KHDRBS3: variants seen among roughly 807,000 people sequenced by gnomAD.
KHDRBS3 encodes KH domain-containing, RNA-binding, signal transduction-associated protein 3.
In KHDRBS3, 23 loss-of-function variants were observed where a neutral mutation model predicts 45.6. The ratio of observed to expected loss-of-function variants is 0.50; its 90% CI spans 0.36 to 0.72. KHDRBS3 has a LOEUF of 0.72. Ranked by LOEUF, KHDRBS3 falls within the 30% of genes least tolerant of loss-of-function variation. KHDRBS3 has a pLI of 0.00. For missense variants in KHDRBS3, 352 were observed against 424.8 expected (o/e 0.83, Z 1.51); for synonymous variants, 162 against 156.5 (o/e 1.04, Z -0.26).
At chr8:135,565,835 A>G (rs1438527708) in intron 5 of KHDRBS3, among the ~76,000 whole-genome samples, 2 of 152,208 alleles carry the variant, frequency 1.3e-5, no homozygotes, top group Admixed American at 6.5e-5. Flanking sequence ...TGGAAACACC[A>G]TAAGAAGTCA....
chr8:135,465,052 G>A (rs771176590), intron 1 of KHDRBS3, among the ~76,000 whole-genome samples: 2 of 152,236 alleles, frequency 1.3e-5, no homozygotes, highest in Non-Finnish European at 2.9e-5. Context: ...CAGGGGCATG[G>A]CAAAACGGCA....
At chr8:135,577,669 A>T (rs1828008979) in intron 5 of KHDRBS3, among the ~76,000 whole-genome samples, 2 of 152,200 alleles carry the variant, frequency 1.3e-5, no homozygotes, top group South Asian at 4.1e-4. Context: ...ATCGAAGGGC[A>T]TCTTGGTTGC....
intron 1 of KHDRBS3, chr8:135,458,289 T>G: frequency 1.3e-6 from 1 of 782,424 alleles, no homozygotes; most frequent in Non-Finnish European, 1.6e-6. Flanking sequence ...GGTTGAATTA[T>G]GTCATGGAAG....
intron 1 of KHDRBS3, among the ~76,000 whole-genome samples, chr8:135,520,961 T>C (rs183099663): frequency 4.6e-5 from 7 of 152,350 alleles, no homozygotes; most frequent in African/African-American, 1.7e-4. Context: ...CCAGAAGACC[T>C]GAAGTAACTT....
At chr8:135,583,720 T>A (rs1032890616) in intron 6 of KHDRBS3, among the ~76,000 whole-genome samples, 2 of 152,196 alleles carry the variant, frequency 1.3e-5, no homozygotes, top group Non-Finnish European at 1.5e-5. Context: ...GTATTCATCT[T>A]TCCATTCAAT....
At chr8:135,462,779 C>T (rs1821495289) in intron 1 of KHDRBS3, among the ~76,000 whole-genome samples, 1 of 152,068 alleles carries the variant, frequency 6.6e-6, no homozygotes, top group Non-Finnish European at 1.5e-5. Context: ...AAGGGTCAAG[C>T]TTTGTTCTTT....
intron 5 of KHDRBS3, among the ~76,000 whole-genome samples, chr8:135,573,973 C>A (rs1009616624): frequency 6.6e-6 from 1 of 152,182 alleles, no homozygotes; most frequent in African/African-American, 2.4e-5. Context: ...CTATTCCTAT[C>A]AATTTGGATC....
At chr8:135,564,708 T>C (rs2130861405) in intron 5 of KHDRBS3, among the ~76,000 whole-genome samples, 2 of 152,378 alleles carry the variant, frequency 1.3e-5, no homozygotes, top group South Asian at 4.1e-4. Flanking sequence ...CTCCTTCGTT[T>C]GTATTTTGAA....
At chr8:135,639,616 C>G (rs117491460) in intron 7 of KHDRBS3, among the ~76,000 whole-genome samples, 1 of 152,124 alleles carries the variant, frequency 6.6e-6, no homozygotes, top group Non-Finnish European at 1.5e-5. Flanking sequence ...TTTGCATTGC[C>G]GTAAAGAAGT....
At chr8:135,650,211 A>G (rs1831401118), downstream of KHDRBS3, among the ~76,000 whole-genome samples, 1 of 152,152 alleles carries the variant, frequency 6.6e-6, no homozygotes, top group Admixed American at 6.5e-5. Context: ...AAATACCGCA[A>G]AACCGAATGG....
intron 1 of KHDRBS3, among the ~76,000 whole-genome samples, chr8:135,514,753 G>C (rs958254158): frequency 6.6e-6 from 1 of 152,104 alleles, no homozygotes; most frequent in Non-Finnish European, 1.5e-5. Flanking sequence ...GATATATCTA[G>C]ATTTGAATTC....
At chr8:135,584,453 G>C (rs1240690495) in intron 6 of KHDRBS3, among the ~76,000 whole-genome samples, 1 of 152,172 alleles carries the variant, frequency 6.6e-6, no homozygotes, top group Non-Finnish European at 1.5e-5. Flanking sequence ...CATCATGAAG[G>C]GTTCAGATTA....
At chr8:135,613,382 T>C (rs1288427153) in intron 7 of KHDRBS3, among the ~76,000 whole-genome samples, 1 of 151,846 alleles carries the variant, frequency 6.6e-6, no homozygotes, top group African/African-American at 2.4e-5. Flanking sequence ...TAACTGTTTC[T>C]ACTTGTGAGA....
intron 5 of KHDRBS3, among the ~76,000 whole-genome samples, chr8:135,572,840 G>T (rs1411467360): frequency 6.6e-6 from 1 of 152,226 alleles, no homozygotes; most frequent in African/African-American, 2.4e-5. Context: ...ATAACTGTAG[G>T]CTGTTTCGCC....
intron 1 of KHDRBS3, among the ~76,000 whole-genome samples, chr8:135,460,837 A>G (rs74848680): frequency 0.051 from 7,728 of 152,308 alleles, 306 homozygotes; most frequent in African/African-American, 0.11. Context: ...CATTATGATA[A>G]TGAAGCAGTT....
chr8:135,478,861 G>A (rs1226632452), intron 1 of KHDRBS3, among the ~76,000 whole-genome samples: 4 of 152,110 alleles, frequency 2.6e-5, no homozygotes, highest in Non-Finnish European at 4.4e-5. Context: ...AAAAATAAAG[G>A]TAAATCTCAA....
At chr8:135,512,731 C>T (rs1321109996) in intron 1 of KHDRBS3, among the ~76,000 whole-genome samples, 1 of 152,136 alleles carries the variant, frequency 6.6e-6, no homozygotes, top group East Asian at 1.9e-4. Flanking sequence ...TAGAATATAA[C>T]AAAAATGAAT....
intron 4 of KHDRBS3, among the ~76,000 whole-genome samples, chr8:135,655,768 T>G (rs967054768): frequency 6.6e-6 from 1 of 152,186 alleles, no homozygotes; most frequent in African/African-American, 2.4e-5. Flanking sequence ...CACCAGCCAG[T>G]TTTTTAAATA....
At chr8:135,613,535 A>G (rs1217018423) in intron 7 of KHDRBS3, among the ~76,000 whole-genome samples, 1 of 151,672 alleles carries the variant, frequency 6.6e-6, no homozygotes, top group Non-Finnish European at 1.5e-5. Flanking sequence ...GATGGTTTGC[A>G]TAGGGAGGTA....
Sources: gnomAD v4.1 joint callset for allele counts (sites outside exome capture counted in the v4.1 genomes callset) on GRCh38, gnomAD v4.1.1 for gene constraint, MANE v1.5 for transcripts, NCBI Gene and HGNC (gene_info 2026-07-23, HGNC 2026-07-21) for gene names.